Variants in BABAM2 observed in about 807,000 individuals in gnomAD.
BABAM2 encodes the protein BRISC and BRCA1 A complex member 2, also known as BRISC and BRCA1-A complex member 2.
In BABAM2, 31 loss-of-function variants were observed where a neutral mutation model predicts 54.7. The observed-to-expected ratio is 0.57, with a 90% CI of 0.43 to 0.77. BABAM2 has a LOEUF of 0.77. Among genes scored for constraint, BABAM2 ranks in the 30% least tolerant of loss-of-function variants. The pLI is 0.00. For synonymous variants in BABAM2, 167 were observed against 162.9 expected (o/e 1.03, Z -0.19); for missense variants, 364 against 455.8 (o/e 0.80, Z 1.83).
chr2:28,139,857 A>G (rs1670892140), intron 7 of BABAM2, among the ~76,000 whole-genome samples: 1 of 152,208 alleles, frequency 6.6e-6, no homozygotes, highest in Non-Finnish European at 1.5e-5. Context: ...CTGAGCTACT[A>G]GCATCTCTAA....
chr2:28,206,524 G>T (rs935862967), intron 7 of BABAM2, among the ~76,000 whole-genome samples: 8 of 152,096 alleles, frequency 5.3e-5, no homozygotes, highest in Admixed American at 6.5e-5. Context: ...TCTTGATGGT[G>T]GTGATGATGT....
chr2:28,330,937 C>G (rs757820639), intron 11 of BABAM2, among the ~76,000 whole-genome samples: 5 of 152,136 alleles, frequency 3.3e-5, no homozygotes, highest in African/African-American at 1.2e-4. Context: ...GACTTTACTA[C>G]AGTAACCAAA....
intron 11 of BABAM2, among the ~76,000 whole-genome samples, chr2:28,336,080 G>T (rs1691438534): frequency 6.6e-6 from 1 of 152,198 alleles, no homozygotes; most frequent in Non-Finnish European, 1.5e-5. Flanking sequence ...TAAGGTCTTG[G>T]TCAGGAAAGG....
intron 7 of BABAM2, among the ~76,000 whole-genome samples, chr2:28,231,584 A>G (rs1272909991): frequency 6.6e-6 from 1 of 152,016 alleles, no homozygotes; most frequent in African/African-American, 2.4e-5. Context: ...AGCCAGGTCA[A>G]CTTCCTCTCC....
intron 6 of BABAM2, among the ~76,000 whole-genome samples, chr2:28,095,721 A>G (rs1290512601): frequency 6.6e-6 from 1 of 152,202 alleles, no homozygotes; most frequent in African/African-American, 2.4e-5. Context: ...TCTCATGTAA[A>G]ACAAGGTTTC....
In BABAM2 at chr2:27,928,442, G is replaced by A. The variant is rs560206549; in HGVS notation, c.129-1390G>A. Among the ~76,000 whole-genome samples, 52 of 131,630 alleles carry A rather than the reference G, an allele frequency of 4.0e-4. 1 individual carries two copies. Among genetic ancestry groups the A allele is most frequent in the African/African-American group, 1.4e-3 (50 of 36,164 alleles). 86.4% of individuals were successfully genotyped at this position (131,630 alleles called of 152,430 possible). ...TGGGATTATAGGTGTGAGCCACTGC[G>A]CCTGGCCACTGTCTGGTTCTTTTTC... On this transcript the variant is annotated intron_variant, in intron 2 of 11. Coordinates refer to ENST00000379624, the MANE Select transcript of BABAM2 (RefSeq NM_199191.3).
intron 2 of BABAM2, among the ~76,000 whole-genome samples, chr2:27,902,041 G>A (rs189206293): frequency 3.3e-5 from 5 of 152,208 alleles, no homozygotes; most frequent in Admixed American, 2.6e-4. Context: ...GTATTCCATT[G>A]TGTGAATATG....
intron 7 of BABAM2, among the ~76,000 whole-genome samples, chr2:28,130,659 G>A (rs1302201293): frequency 6.6e-6 from 1 of 151,976 alleles, no homozygotes; most frequent in Non-Finnish European, 1.5e-5. Context: ...TCGCTCTATT[G>A]CCCAGGCTAG....
At chr2:28,018,617 C>CT (rs1056573686) in intron 4 of BABAM2, among the ~76,000 whole-genome samples, 6 of 152,080 alleles carry the variant, frequency 3.9e-5, no homozygotes, top group Non-Finnish European at 8.8e-5. Flanking sequence ...TTTACATTCC[C>CT]TTTTTTTACT....
At chr2:28,224,134 A>T (rs1680659526) in intron 7 of BABAM2, among the ~76,000 whole-genome samples, 1 of 152,258 alleles carries the variant, frequency 6.6e-6, no homozygotes, top group South Asian at 2.1e-4. Flanking sequence ...AAACAGTTTA[A>T]TTTACCCAGT....
intron 7 of BABAM2, among the ~76,000 whole-genome samples, chr2:28,135,408 A>G (rs1002066895): frequency 6.6e-6 from 1 of 150,954 alleles, no homozygotes; most frequent in African/African-American, 2.4e-5. Context: ...CTTCACTGCT[A>G]CTCCTTCCTT....
rs79834596 is a variant in BABAM2, at chr2:28,129,605, C to T, written c.680+225C>T. Among the ~76,000 whole-genome samples, 133 of 152,330 alleles carry T rather than the reference C, an allele frequency of 8.7e-4. No homozygotes were observed. The East Asian group carries it at 0.023, about 26-fold the overall frequency. On this transcript the variant is annotated intron_variant, in intron 7 of 11. Transcript: ENST00000379624. ...TATTGTGCATTTAGTGACATGAATA[C>T]TGTACCTTTGTAGAGAGAAAAGAAT...
At chr2:28,251,115 GTCTTA>G (rs1683441227) in intron 10 of BABAM2, among the ~76,000 whole-genome samples, 1 of 152,094 alleles carries the variant, frequency 6.6e-6, no homozygotes, top group African/African-American at 2.4e-5. Flanking sequence ...TCACACAGAT[GTCTTA>G]GTATTATTCT....
chr2:28,066,217 A>G (rs1174887560), intron 6 of BABAM2, among the ~76,000 whole-genome samples: 6 of 151,704 alleles, frequency 4.0e-5, no homozygotes, highest in Admixed American at 2.0e-4. Context: ...AGCCACGATA[A>G]TTTATTAAAT....
chr2:27,901,547 A>G (rs955701926), intron 2 of BABAM2, among the ~76,000 whole-genome samples: 1 of 152,212 alleles, frequency 6.6e-6, no homozygotes, highest in Non-Finnish European at 1.5e-5. Flanking sequence ...GTACTTGATT[A>G]CTAAATAGAC....
chr2:27,990,116 C>T (rs557181556), intron 4 of BABAM2, among the ~76,000 whole-genome samples: 1 of 152,240 alleles, frequency 6.6e-6, no homozygotes, highest in African/African-American at 2.4e-5. Flanking sequence ...ACACCTTCTC[C>T]TTAGTGATAG....
intron 4 of BABAM2, among the ~76,000 whole-genome samples, chr2:28,008,233 T>C (rs1258641382): frequency 6.6e-6 from 1 of 152,186 alleles, no homozygotes; most frequent in Admixed American, 6.5e-5. Context: ...TAATTTTCAA[T>C]GACTGAGAAA....
chr2:27,989,000 C>A (rs1418668504), intron 4 of BABAM2, among the ~76,000 whole-genome samples: 1 of 152,042 alleles, frequency 6.6e-6, no homozygotes, highest in Non-Finnish European at 1.5e-5. Context: ...AGTAGTAACC[C>A]AAACCTAAAG....
At chr2:27,959,443 G>A (rs890288571) in intron 3 of BABAM2, among the ~76,000 whole-genome samples, 1 of 152,104 alleles carries the variant, frequency 6.6e-6, no homozygotes, top group African/African-American at 2.4e-5. Context: ...CAATCTTTAT[G>A]TAGTCTAGTC....
Sources: gnomAD v4.1 joint callset for allele counts (sites outside exome capture counted in the v4.1 genomes callset) on GRCh38, gnomAD v4.1.1 for gene constraint, MANE v1.5 for transcripts, NCBI Gene and HGNC (gene_info 2026-07-23, HGNC 2026-07-21) for gene names.